PACRG: variants seen among roughly 807,000 people sequenced by gnomAD.
PACRG encodes the protein parkin coregulated.
Under a neutral mutation model 29.7 loss-of-function variants are expected in PACRG, and 29 were observed. The observed-to-expected ratio is 0.98, with a 90% CI of 0.73 to 1.33. PACRG has a LOEUF of 1.33. Among genes scored for constraint, PACRG ranks in the 40% most tolerant of loss-of-function variants. The probability of loss-of-function intolerance (pLI) is 0.00; values close to 1 mark genes in which losing one functional copy is unlikely to be tolerated. For synonymous variants in PACRG, 116 were observed against 118.7 expected (o/e 0.98, Z 0.15); for missense variants, 279 against 316.2 (o/e 0.88, Z 0.89).
intron 4 of PACRG, among the ~76,000 whole-genome samples, chr6:163,206,629 C>T (rs934048707): frequency 5.3e-5 from 8 of 152,088 alleles, no homozygotes; most frequent in Non-Finnish European, 1.0e-4. Flanking sequence ...AAAAAATAAT[C>T]TGTACACCAA....
chr6:163,176,445 G>A (rs960282230), intron 4 of PACRG, among the ~76,000 whole-genome samples: 6 of 152,148 alleles, frequency 3.9e-5, no homozygotes, highest in African/African-American at 1.4e-4. Context: ...AACTAGCCCC[G>A]TTATGCCCTT....
chr6:163,313,354 T>C (rs920706952), intron 4 of PACRG, among the ~76,000 whole-genome samples: 18 of 151,912 alleles, frequency 1.2e-4, no homozygotes, highest in African/African-American at 4.4e-4. Flanking sequence ...GCCTTCACCC[T>C]CACCAAAAGA....
chr6:162,752,712 T>C (rs1416001214), intron 1 of PACRG, among the ~76,000 whole-genome samples: 1 of 152,198 alleles, frequency 6.6e-6, no homozygotes, highest in Non-Finnish European at 1.5e-5. Flanking sequence ...GAGAATAATG[T>C]TGTAGTTACT....
chr6:162,992,034 G>A lies in PACRG; in HGVS notation c.292-70116G>A, dbSNP rs1308341488. 9.4e-5 allele frequency among the ~76,000 whole-genome samples: 13 copies of A among 138,128 alleles called. No individual in the cohort carries two copies. The East Asian group carries it at 2.6e-3, about 28-fold the overall frequency. The allele number at this position is 138,128 out of a possible 152,430, so 90.6% of individuals were successfully genotyped here. Reference sequence around the variant, plus strand: ...TGTCTTTGGCTCTGTTTATATGCTGGATTACATTTATTGATTTGCGTATAT... The same window carrying A: ...TGTCTTTGGCTCTGTTTATATGCTGAATTACATTTATTGATTTGCGTATAT... On this transcript the variant is annotated intron_variant, in intron 2 of 4. Transcript: ENST00000366888.
At chr6:163,026,022 G>A (rs943653033) in intron 2 of PACRG, among the ~76,000 whole-genome samples, 1 of 152,126 alleles carries the variant, frequency 6.6e-6, no homozygotes, top group Non-Finnish European at 1.5e-5. Context: ...AAAAGAGCCC[G>A]AATAGCCAAA....
At chr6:162,771,271 C>A (rs1451567835) in intron 1 of PACRG, among the ~76,000 whole-genome samples, 1 of 152,136 alleles carries the variant, frequency 6.6e-6, no homozygotes, top group African/African-American at 2.4e-5. Flanking sequence ...ATTATCTATG[C>A]AAGTACCTAC....
At chr6:162,958,847 G>T (rs1490641101) in intron 2 of PACRG, among the ~76,000 whole-genome samples, 2 of 86,466 alleles carry the variant, frequency 2.3e-5, no homozygotes, top group Non-Finnish European at 4.7e-5. Context: ...AGCATATATA[G>T]AGCATATATA....
At chr6:163,294,547 G>C (rs1411167321) in intron 4 of PACRG, among the ~76,000 whole-genome samples, 1 of 152,144 alleles carries the variant, frequency 6.6e-6, no homozygotes, top group African/African-American at 2.4e-5. Flanking sequence ...TGAAAGGAAA[G>C]ACATATTTTT....
intron 2 of PACRG, among the ~76,000 whole-genome samples, chr6:162,947,636 A>ATATATATATG (rs1799334189): frequency 1.3e-5 from 1 of 79,680 alleles, no homozygotes; most frequent in Non-Finnish European, 2.4e-5. Flanking sequence ...ATATATATAT[A>ATATATATATG]TATATATATA....
intron 2 of PACRG, among the ~76,000 whole-genome samples, chr6:162,947,510 C>CATATATATACTCA (rs1554313170): frequency 4.7e-5 from 5 of 105,694 alleles, no homozygotes; most frequent in African/African-American, 1.8e-4. Flanking sequence ...TATATATAAT[C>CATATATATACTCA]TATATATATA....
rs551862624 is a variant in PACRG at position 163,230,424 on chromosome 6, G to A, written c.614-84403G>A. 5.3e-5 allele frequency among the ~76,000 whole-genome samples: 8 copies of A among 152,272 alleles called. No individual in the cohort carries two copies. In the East Asian group the frequency reaches 1.4e-3, roughly 26 times the overall value. On this transcript the variant is annotated intron_variant, in intron 4 of 4. Coordinates refer to ENST00000366888, the MANE Select transcript of PACRG (RefSeq NM_001080379.2). ...TTTAATGGACAAAACATCCGAAAGA[G>A]ATCCTACTTTCTCAGAATTAGACTT...
chr6:163,050,956 CT>C (rs1484959816), intron 2 of PACRG, among the ~76,000 whole-genome samples: 1 of 152,128 alleles, frequency 6.6e-6, no homozygotes, highest in Non-Finnish European at 1.5e-5. Context: ...ATGATCTGTC[CT>C]TTCCTCTGGA....
At chr6:163,125,299 A>G (rs73786988) in intron 4 of PACRG, among the ~76,000 whole-genome samples, 2,450 of 152,344 alleles carry the variant, frequency 0.016, 59 homozygotes, top group African/African-American at 0.055. Flanking sequence ...CTATAAAAGT[A>G]CTAGAAGAAA....
intron 2 of PACRG, among the ~76,000 whole-genome samples, chr6:162,955,067 CT>C (rs1328254444): frequency 2.0e-5 from 3 of 151,984 alleles, no homozygotes; most frequent in Admixed American, 6.6e-5. Context: ...GTTAACGTAC[CT>C]GGGTTTGAAA....
intron 4 of PACRG, among the ~76,000 whole-genome samples, chr6:163,156,560 C>T (rs1778327192): frequency 6.6e-6 from 1 of 152,146 alleles, no homozygotes; most frequent in Admixed American, 6.5e-5. Flanking sequence ...GTGCCCCTCC[C>T]ACTTCAGTCC....
intron 4 of PACRG, among the ~76,000 whole-genome samples, chr6:163,089,771 C>T (rs1813925225): frequency 6.6e-6 from 1 of 152,178 alleles, no homozygotes; most frequent in Non-Finnish European, 1.5e-5. Flanking sequence ...CTTCCTGTTA[C>T]AATTTCAGTC....
At chr6:163,191,338 C>A (rs776585732) in intron 4 of PACRG, among the ~76,000 whole-genome samples, 1 of 152,318 alleles carries the variant, frequency 6.6e-6, no homozygotes, top group African/African-American at 2.4e-5. Context: ...CAGTCTCATT[C>A]CTCAGCTCAG....
intron 4 of PACRG, among the ~76,000 whole-genome samples, chr6:163,107,364 T>A (rs1815440587): frequency 6.6e-6 from 1 of 152,178 alleles, no homozygotes; most frequent in Admixed American, 6.5e-5. Context: ...ACACTTAGTA[T>A]GTCACAAACA....
chr6:162,779,791 T>C (rs1210449749), intron 1 of PACRG, among the ~76,000 whole-genome samples: 1 of 152,216 alleles, frequency 6.6e-6, no homozygotes, highest in African/African-American at 2.4e-5. Context: ...ACAGCAGTTC[T>C]TCTGACCTGA....
Sources: allele counts gnomAD v4.1 joint callset (sites outside exome capture counted in the v4.1 genomes callset), GRCh38; gene constraint gnomAD v4.1.1; transcripts MANE v1.5; gene names NCBI Gene and HGNC (gene_info 2026-07-23, HGNC 2026-07-21).